ASB7: variants seen among roughly 807,000 people sequenced by gnomAD.
ASB7 encodes ankyrin repeat and SOCS box protein 7.
In ASB7, 4 loss-of-function variants were observed where a neutral mutation model predicts 32.5. That is an observed-to-expected ratio of 0.12 (90% CI 0.06 to 0.28). The LOEUF is 0.28. ASB7 is among the 10% of genes least tolerant of loss of function. The pLI is 1.00. For synonymous variants in ASB7, 172 were observed against 155.6 expected (o/e 1.11, Z -0.78); for missense variants, 181 against 407.1 (o/e 0.44, Z 4.78).
intron 5 of ASB7, among the ~76,000 whole-genome samples, chr15:100,647,963 G>A (rs1285026946): frequency 6.6e-6 from 1 of 152,206 alleles, no homozygotes; most frequent in Non-Finnish European, 1.5e-5. Flanking sequence ...TAGTCAGGAC[G>A]AGAACCAGAA....
intron 4 of ASB7, among the ~76,000 whole-genome samples, chr15:100,612,776 C>T (rs1206674304): frequency 6.6e-6 from 1 of 152,134 alleles, no homozygotes; most frequent in East Asian, 1.9e-4. Context: ...GCACAAGTTT[C>T]CCCTGTTGAT....
intron 3 of ASB7, among the ~76,000 whole-genome samples, chr15:100,611,484 C>CTTTTTTTTTTTTTTTTCTT (rs61153969): frequency 1.3e-5 from 1 of 77,144 alleles, no homozygotes; most frequent in Non-Finnish European, 2.3e-5. Flanking sequence ...TGTTTCGATT[C>CTTTTTTTTTTTTTTTTCTT]TTTTTTTTTT....
chr15:100,607,716 T>C (rs75955317), intron 2 of ASB7, among the ~76,000 whole-genome samples: 3,790 of 152,312 alleles, frequency 0.025, 166 homozygotes, highest in African/African-American at 0.084. Flanking sequence ...CTGGAGGTGC[T>C]ACCTGTGGCC....
intron 2 of ASB7, among the ~76,000 whole-genome samples, chr15:100,605,347 G>A (rs1013139939): frequency 4.0e-5 from 6 of 151,828 alleles, no homozygotes; most frequent in Non-Finnish European, 7.4e-5. Flanking sequence ...CCAATCATGT[G>A]GCTTAAAAAA....
chr15:100,647,631 A>G (rs2040005220), intron 5 of ASB7, among the ~76,000 whole-genome samples: 1 of 152,152 alleles, frequency 6.6e-6, no homozygotes, highest in Non-Finnish European at 1.5e-5. Flanking sequence ...CAGGGTGTGG[A>G]AGCTTGAAGC....
At chr15:100,639,694 A>G (rs1332923432) in intron 5 of ASB7, among the ~76,000 whole-genome samples, 1 of 152,218 alleles carries the variant, frequency 6.6e-6, no homozygotes, top group African/African-American at 2.4e-5. Flanking sequence ...TTATAATTAT[A>G]TCATAGTCTT....
At chr15:100,621,211 A>G (rs922018533) in intron 4 of ASB7, among the ~76,000 whole-genome samples, 2 of 152,234 alleles carry the variant, frequency 1.3e-5, no homozygotes, top group African/African-American at 4.8e-5. Flanking sequence ...TATTTAAATT[A>G]AGTTTAATTA....
At chr15:100,613,107 T>C (rs1385949634) in intron 4 of ASB7, among the ~76,000 whole-genome samples, 3 of 152,240 alleles carry the variant, frequency 2.0e-5, no homozygotes, top group Non-Finnish European at 4.4e-5. Context: ...TTTATTTTCC[T>C]AGAGATGGGT....
intron 4 of ASB7, among the ~76,000 whole-genome samples, chr15:100,620,832 A>G (rs1040559890): frequency 6.6e-6 from 1 of 152,234 alleles, no homozygotes; most frequent in African/African-American, 2.4e-5. Flanking sequence ...GCATTTATTC[A>G]TCTTCAGATT....
chr15:100,630,207 G>A (rs890250655), intron 5 of ASB7, 165 bp downstream of exon 5: 7 of 1,331,338 alleles, frequency 5.3e-6, no homozygotes, highest in African/African-American at 1.5e-5. Flanking sequence ...AACTTTGACT[G>A]TATCACAAGA....
At chr15:100,637,846 G>A (rs2039934802) in intron 5 of ASB7, among the ~76,000 whole-genome samples, 1 of 152,174 alleles carries the variant, frequency 6.6e-6, no homozygotes, top group African/African-American at 2.4e-5. Flanking sequence ...TGCAGAAGCA[G>A]ATCTCTGACT....
At chr15:100,627,254 ATAAG>A (rs1478333385) in intron 4 of ASB7, among the ~76,000 whole-genome samples, 7 of 152,326 alleles carry the variant, frequency 4.6e-5, no homozygotes, top group African/African-American at 1.7e-4. Flanking sequence ...GGACAAAGTA[ATAAG>A]TTCAGTGGGG....
At chr15:100,611,085 C>T (rs543699129) in intron 3 of ASB7, among the ~76,000 whole-genome samples, 1 of 152,176 alleles carries the variant, frequency 6.6e-6, no homozygotes, top group Admixed American at 6.5e-5. Context: ...TGCTCTGTAT[C>T]CCAGGCTGGA....
At chr15:100,619,553 G>T (rs979132108) in intron 4 of ASB7, among the ~76,000 whole-genome samples, 2 of 152,206 alleles carry the variant, frequency 1.3e-5, no homozygotes, top group African/African-American at 4.8e-5. Context: ...ATGAAGATTA[G>T]TAAAGGAGCA....
chr15:100,626,531 GA>G (rs1314961900), intron 4 of ASB7, among the ~76,000 whole-genome samples: 1 of 152,096 alleles, frequency 6.6e-6, no homozygotes, highest in Admixed American at 6.5e-5. Flanking sequence ...AGGAACTTAG[GA>G]AAGTTTCATG....
In ASB7 at chr15:100,614,776, T is replaced by C. The variant is rs1044642640; in HGVS notation, c.211+2349T>C. 5.3e-5 allele frequency among the ~76,000 whole-genome samples: 8 copies of C among 151,212 alleles called. No individual in the cohort carries two copies. In the East Asian group the frequency reaches 1.2e-3, roughly 22 times the overall value. Reference sequence around the variant, plus strand: ...AAAAAAAAAAAGCAAAAAAGTCTTATAATATTTTAAGAAAGTTTATGAATT... The same window carrying C: ...AAAAAAAAAAAGCAAAAAAGTCTTACAATATTTTAAGAAAGTTTATGAATT... On this transcript the variant is annotated intron_variant, in intron 4 of 5. Transcript: ENST00000332783.
chr15:100,636,850 G>T (rs532146140), intron 5 of ASB7, among the ~76,000 whole-genome samples: 1 of 152,156 alleles, frequency 6.6e-6, no homozygotes, highest in Non-Finnish European at 1.5e-5. Flanking sequence ...AAATCAAAAC[G>T]AATTTCCTAA....
chr15:100,614,947 A>G (rs1367192371), intron 4 of ASB7, among the ~76,000 whole-genome samples: 1 of 152,186 alleles, frequency 6.6e-6, no homozygotes, highest in Non-Finnish European at 1.5e-5. Flanking sequence ...ATTTTGCTCA[A>G]TCATGGACCC....
intron 4 of ASB7, among the ~76,000 whole-genome samples, chr15:100,614,940 T>G (rs1260765942): frequency 1.3e-5 from 2 of 152,212 alleles, no homozygotes; most frequent in African/African-American, 4.8e-5. Flanking sequence ...TAAGGACATT[T>G]TGCTCAATCA....
Sources: gnomAD v4.1 joint callset for allele counts (sites outside exome capture counted in the v4.1 genomes callset) on GRCh38, gnomAD v4.1.1 for gene constraint, MANE v1.5 for transcripts, NCBI Gene and HGNC (gene_info 2026-07-23, HGNC 2026-07-21) for gene names.